The following CHODL variants were observed in gnomAD, a reference collection of about 807,000 sequenced individuals.
CHODL encodes transmembrane protein MT75.
A neutral mutation model predicts 34.5 loss-of-function variants in CHODL; 29 were observed. The observed-to-expected ratio is 0.84, with a 90% confidence interval of 0.63 to 1.15. The LOEUF (loss-of-function observed/expected upper bound fraction) is 1.15, where lower values mean the gene tolerates loss of function less well. CHODL is among the 50% of genes most tolerant of loss of function. CHODL has a pLI of 0.00. For missense variants in CHODL, 332 were observed against 332.5 expected (o/e 1.00, Z 0.01); for synonymous variants, 125 against 116.1 (o/e 1.08, Z -0.49).
At chr21:18,036,236 A>G (rs2824610) in intron 2 of CHODL, among the ~76,000 whole-genome samples, 95,305 of 151,786 alleles carry the variant, frequency 0.63, 30,378 homozygotes, top group Admixed American at 0.69. Context: ...TTTTCAGTCT[A>G]GCTAGTAGGA....
At position 18,097,596 on chromosome 21, in the gene CHODL, A is replaced by C. The variant is rs149787290; in HGVS notation, c.-45+69625A>C. Among the ~76,000 whole-genome samples the C allele has an allele frequency of 8.6e-3, 1,317 of 152,270 alleles. 24 individuals carry two copies. The highest frequency in any genetic ancestry group is 0.03 in the African/African-American group (1,242 of 41,560). Reference sequence around the variant, plus strand: ...GATACCAAAAATGAAAAGACATTTCATGTTCATGGATTGGAAGAATTAATA... The same window carrying C: ...GATACCAAAAATGAAAAGACATTTCCTGTTCATGGATTGGAAGAATTAATA... On this transcript the variant is annotated intron_variant, in intron 2 of 6. Transcript: ENST00000400127.
chr21:17,946,252 C>A (rs1005405145), intron 1 of CHODL, among the ~76,000 whole-genome samples: 1 of 152,144 alleles, frequency 6.6e-6, no homozygotes, highest in African/African-American at 2.4e-5. Context: ...CCCGTCTCTA[C>A]TAAAAATACA....
At chr21:17,952,687 TTA>T in intron 1 of CHODL, among the ~76,000 whole-genome samples, 1 of 152,250 alleles carries the variant, frequency 6.6e-6, no homozygotes, top group African/African-American at 2.4e-5. Flanking sequence ...ACATAAATAA[TTA>T]TGTTTTTAAA....
intron 2 of CHODL, among the ~76,000 whole-genome samples, chr21:18,236,181 A>T (rs1021904370): frequency 6.6e-6 from 1 of 152,114 alleles, no homozygotes; most frequent in Non-Finnish European, 1.5e-5. Context: ...GTCCTTTTTC[A>T]CAGGGCAGCA....
At chr21:18,235,262 G>A (rs918863159) in intron 2 of CHODL, among the ~76,000 whole-genome samples, 1 of 152,044 alleles carries the variant, frequency 6.6e-6, no homozygotes, top group African/African-American at 2.4e-5. Context: ...AGATGAATAT[G>A]TAAAAGCCTG....
intron 1 of CHODL, among the ~76,000 whole-genome samples, chr21:17,962,080 C>G (rs988307679): frequency 6.6e-6 from 1 of 152,134 alleles, no homozygotes; most frequent in Non-Finnish European, 1.5e-5. Flanking sequence ...TCCAAATATG[C>G]AGCTGGATTA....
At chr21:18,028,952 C>G (rs995385432) in intron 2 of CHODL, among the ~76,000 whole-genome samples, 3 of 152,106 alleles carry the variant, frequency 2.0e-5, no homozygotes, top group African/African-American at 7.2e-5. Context: ...TTCATTGTCT[C>G]TTTTTATTCC....
At chr21:18,165,307 C>T (rs9978003) in intron 2 of CHODL, among the ~76,000 whole-genome samples, 3 of 152,166 alleles carry the variant, frequency 2.0e-5, no homozygotes, top group Non-Finnish European at 2.9e-5. Context: ...TTTATTTCGT[C>T]GATCCACTTA....
At chr21:18,108,858 T>C (rs1311362021) in intron 2 of CHODL, among the ~76,000 whole-genome samples, 1 of 151,996 alleles carries the variant, frequency 6.6e-6, no homozygotes, top group East Asian at 1.9e-4. Flanking sequence ...TGTGTGTGTG[T>C]GTGTGTGTGT....
chr21:18,229,308 A>G (rs939090514), intron 2 of CHODL, among the ~76,000 whole-genome samples: 3 of 152,128 alleles, frequency 2.0e-5, no homozygotes, highest in African/African-American at 7.2e-5. Flanking sequence ...CAATACTTCA[A>G]TGGCTTACAT....
rs200591245 is a variant in CHODL, at chr21:18,010,559, A to G, written c.-144-17313A>G. ...CAGCCTTCTACATCCTCTTTTACAA[A>G]TTTGTTTTATTTAATCAGGGACCCA... On this transcript the variant is annotated intron_variant, in intron 1 of 6. Transcript: ENST00000400127. Among the ~76,000 whole-genome samples the G allele has an allele frequency of 2.6e-5, 4 of 152,182 alleles. No individual in the cohort carries two copies. In the East Asian group the frequency reaches 7.7e-4, roughly 29 times the overall value.
rs1017269004 is a variant in CHODL, at chr21:17,955,325, A to G, written c.-145+37925A>G. On this transcript the variant is annotated intron_variant, in intron 1 of 6. Transcript: ENST00000400127. Reference sequence around the variant, plus strand: ...ATTAAATGGCTATTCTTAATCTCCTATTGTCCATTTCTGAAAAAGTTTTCC... The same window carrying G: ...ATTAAATGGCTATTCTTAATCTCCTGTTGTCCATTTCTGAAAAAGTTTTCC... Among the ~76,000 whole-genome samples, 11 of 137,186 alleles carry G rather than the reference A, an allele frequency of 8.0e-5. 3 individuals carry two copies. Among genetic ancestry groups the G allele is most frequent in the African/African-American group, 2.2e-4 (9 of 40,024 alleles). 90.0% of individuals were successfully genotyped at this position (137,186 alleles called of 152,430 possible).
At chr21:18,115,212 A>G (rs1256926453) in intron 2 of CHODL, among the ~76,000 whole-genome samples, 1 of 152,230 alleles carries the variant, frequency 6.6e-6, no homozygotes, top group Non-Finnish European at 1.5e-5. Context: ...GCTGTAAATC[A>G]GGAGCCTATG....
rs2074125015 is a variant in CHODL at position 18,245,267 on chromosome 21, G to A, written c.44G>A (p.Cys15Tyr). 6.6e-7 allele frequency: 1 copy of A among 1,525,202 alleles called. No homozygotes were observed. 94.5% of individuals were successfully genotyped at this position (1,525,202 alleles called of 1,614,324 possible). A position where few individuals can be genotyped will look rare whatever the true frequency, so the allele number is the denominator to read the frequency against. Residue 15 changes from cysteine (C) to tyrosine (Y), a missense_variant, in exon 1 of 6, where the codon TGC becomes TAC. By Grantham distance (194) the Cys-to-Tyr change is radical. Transcript: ENST00000299295. ...CTGCTGCTGGGCGCCGCGCTGCTCT[G>A]CGGCCACGGAGCCTTCTGCCGCCGC... ...VSLLLGAALL[C>Y]GHGAFCRRVV... is the part of the protein sequence containing the mutation.
rs140745582 is a variant in CHODL at position 18,205,848 on chromosome 21, T to C, written c.-44-50661T>C. On this transcript the variant is annotated intron_variant, in intron 2 of 6. Coordinates refer to the CHODL transcript ENST00000400127. ...GCCTCCCACGTTCAAGTGATTCTTC[T>C]GCCTCAACGTCCCATGTAGCTTGGA... Among the ~76,000 whole-genome samples, 408 of 152,138 alleles carry C rather than the reference T, an allele frequency of 2.7e-3. 7 individuals carry two copies. Among genetic ancestry groups the C allele is most frequent in the Admixed American group, 0.024 (362 of 15,258 alleles).
At chr21:18,145,034 A>C (rs111786104) in intron 2 of CHODL, among the ~76,000 whole-genome samples, 24 of 84,366 alleles carry the variant, frequency 2.8e-4, no homozygotes, top group African/African-American at 6.5e-4. Flanking sequence ...CTAGAATATT[A>C]ATCTTTACCT....
intron 4 of CHODL, among the ~76,000 whole-genome samples, chr21:18,261,463 C>G (rs1361576166): frequency 6.6e-6 from 1 of 151,044 alleles, no homozygotes; most frequent in African/African-American, 2.4e-5. Context: ...GTCAGGAGTT[C>G]GAGACCAGCT....
intron 1 of CHODL, among the ~76,000 whole-genome samples, chr21:17,924,887 G>C (rs1055832228): frequency 3.3e-5 from 5 of 152,080 alleles, no homozygotes; most frequent in African/African-American, 1.2e-4. Context: ...ATCTGGCTCT[G>C]TTAAAAAAAT....
chr21:18,131,813 C>T (rs2072658133), intron 2 of CHODL, among the ~76,000 whole-genome samples: 3 of 152,060 alleles, frequency 2.0e-5, no homozygotes, highest in South Asian at 4.1e-4. Context: ...ATTCTCCTTC[C>T]CTTTTTCCTG....
Sources: allele counts gnomAD v4.1 joint callset (sites outside exome capture counted in the v4.1 genomes callset), GRCh38; gene constraint gnomAD v4.1.1; transcripts MANE v1.5; gene names NCBI Gene and HGNC (gene_info 2026-07-23, HGNC 2026-07-21).